The following DIP2B variants were observed in gnomAD, a reference collection of about 807,000 sequenced individuals.
The protein encoded by DIP2B is DIP2 acetate--CoA ligase B (putative), also known as disco-interacting protein 2 homolog B.
DIP2B carries 76 observed loss-of-function variants against 198.0 expected under a neutral mutation model. The ratio of observed to expected loss-of-function variants is 0.38; its 90% CI spans 0.32 to 0.46. DIP2B has a LOEUF of 0.46. Ranked by LOEUF, DIP2B falls within the 20% of genes least tolerant of loss-of-function variation. DIP2B has a pLI of 0.99. For synonymous variants in DIP2B, 701 were observed against 739.1 expected, an observed-to-expected ratio of 0.95 and a Z score of 0.84; for missense variants, 1,559 against 1,978.4, an observed-to-expected ratio of 0.79 and a Z score of 4.02.
At chr12:50,658,328 G>A (rs1938589221) in intron 3 of DIP2B, among the ~76,000 whole-genome samples, 1 of 151,956 alleles carries the variant, frequency 6.6e-6, no homozygotes, top group African/African-American at 2.4e-5. Flanking sequence ...GTAGAGACAG[G>A]GTTTTACCAT....
At chr12:50,729,446 C>G (rs1314208676) in intron 30 of DIP2B, among the ~76,000 whole-genome samples, 1 of 152,210 alleles carries the variant, frequency 6.6e-6, no homozygotes, top group Non-Finnish European at 1.5e-5. Flanking sequence ...TAACCTTCAT[C>G]TCCAGAGGTG....
intron 23 of DIP2B, among the ~76,000 whole-genome samples, chr12:50,717,589 G>A (rs1043881795): frequency 4.0e-5 from 6 of 151,166 alleles, no homozygotes; most frequent in Non-Finnish European, 8.9e-5. Flanking sequence ...GGATGGTCTC[G>A]GTCTCCTGAC....
At chr12:50,673,192 A>AT (rs1938885022) in intron 5 of DIP2B, among the ~76,000 whole-genome samples, 1 of 152,200 alleles carries the variant, frequency 6.6e-6, no homozygotes, top group Non-Finnish European at 1.5e-5. Context: ...ATGTTAGTAT[A>AT]TTTAAAATTT....
chr12:50,586,631 G>A (rs1354751931), intron 1 of DIP2B, among the ~76,000 whole-genome samples: 1 of 152,210 alleles, frequency 6.6e-6, no homozygotes, highest in Non-Finnish European at 1.5e-5. Flanking sequence ...GGAGTGCAGT[G>A]GTGTGATCTC....
rs1433735607 is a variant in DIP2B at position 50,745,795 on chromosome 12, G to A, written c.*956G>A. 6.6e-6 allele frequency: 1 copy of A among 152,360 alleles called. No individual in the cohort carries two copies. The highest frequency in any genetic ancestry group is 1.5e-5 in the Non-Finnish European group (1 of 68,026). The allele number at this position is 152,360 out of a possible 1,614,324, so 9.4% of individuals were successfully genotyped here. A position where few individuals can be genotyped will look rare whatever the true frequency, so the allele number is the denominator to read the frequency against. On this transcript the variant is annotated 3_prime_UTR_variant, in exon 38 of 38. Coordinates refer to ENST00000301180, the MANE Select transcript of DIP2B (RefSeq NM_173602.3). Reference sequence around the variant, plus strand: ...CTTACTCTGGCCCCAGTGTTAAAACGATCTTTCAGATTTAGAGTGACTATG... The same window carrying A: ...CTTACTCTGGCCCCAGTGTTAAAACAATCTTTCAGATTTAGAGTGACTATG...
intron 1 of DIP2B, among the ~76,000 whole-genome samples, chr12:50,522,220 C>T (rs890680469): frequency 2.6e-5 from 4 of 151,436 alleles, no homozygotes; most frequent in Non-Finnish European, 5.9e-5. Flanking sequence ...AGGCTAGTCT[C>T]GAGCTCCTGA....
rs1565889458 is a variant in DIP2B, at chr12:50,745,391, C to CA, written c.*554dup. On this transcript the variant is annotated 3_prime_UTR_variant, in exon 38 of 38. Transcript: ENST00000301180. ...GTAAAACATTTTGACCAGTGTTTTACAACATGTACATAAGAATACACATAA... is the reference window on the plus strand; with the variant it reads ...GTAAAACATTTTGACCAGTGTTTTACAAACATGTACATAAGAATACACATAA... The CA allele has an allele frequency of 6.4e-6, 1 of 155,668 alleles. No homozygotes were observed. The highest frequency in any genetic ancestry group is 1.4e-5 in the Non-Finnish European group (1 of 69,756). The allele number at this position is 155,668 out of a possible 1,614,324, so 9.6% of individuals were successfully genotyped here. A position where few individuals can be genotyped will look rare whatever the true frequency, so the allele number is the denominator to read the frequency against.
chr12:50,668,345 T>C (rs930090113), intron 4 of DIP2B, among the ~76,000 whole-genome samples: 3 of 152,224 alleles, frequency 2.0e-5, no homozygotes, highest in Non-Finnish European at 4.4e-5. Flanking sequence ...TCTTCTCAGA[T>C]GGGTAATTTT....
chr12:50,518,879 T>A (rs906766423), intron 1 of DIP2B, among the ~76,000 whole-genome samples: 6 of 152,182 alleles, frequency 3.9e-5, no homozygotes, highest in African/African-American at 1.4e-4. Flanking sequence ...TAGCTGGGAT[T>A]ACAGGTCCAT....
chr12:50,675,891 T>C (rs1448397039), intron 7 of DIP2B, among the ~76,000 whole-genome samples: 1 of 152,204 alleles, frequency 6.6e-6, no homozygotes, highest in Non-Finnish European at 1.5e-5. Flanking sequence ...TGTTAGATGG[T>C]GAAAAGGTTC....
rs1940200391 is a variant in DIP2B, at chr12:50,739,475, G to A, written c.4243G>A (p.Ala1415Thr). ...CATCTATGATAGCGAGACTCTTCAA[G>A]CTGATCATTTCAACACTCGCCTCAG... ...YTIYDSETLQ[A>T]DHFNTRLSFG... Residue 1415 changes from alanine (A) to threonine (T), a missense_variant, in exon 36 of 38, where the codon GCT becomes ACT. Physicochemically the swap from Ala to Thr is moderately conservative, Grantham distance 58. Transcript: ENST00000301180. 1.2e-6 allele frequency: 2 copies of A among 1,614,188 alleles called. No homozygotes were observed. Among genetic ancestry groups the A allele is most frequent in the African/African-American group, 2.7e-5 (2 of 75,040 alleles).
intron 16 of DIP2B, among the ~76,000 whole-genome samples, chr12:50,696,596 A>G (rs1038020344): frequency 6.6e-6 from 1 of 152,170 alleles, no homozygotes; most frequent in African/African-American, 2.4e-5. Context: ...AGAGCACTAC[A>G]CTGTTTGTCA....
intron 1 of DIP2B, among the ~76,000 whole-genome samples, chr12:50,610,525 G>A (rs1370982069): frequency 6.7e-6 from 1 of 148,244 alleles, no homozygotes; most frequent in African/African-American, 2.5e-5. Flanking sequence ...TTTTTTTGGA[G>A]ACAGAGTCTT....
Position 50,714,554 on chromosome 12 carries a change from A to G in DIP2B, c.2809A>G (p.Thr937Ala). Residue 937 changes from threonine to alanine, a missense_variant, in exon 23 of 38, where the codon ACA becomes GCA. Thr to Ala is a moderately conservative substitution (Grantham distance 58, BLOSUM62 0). Transcript: ENST00000301180. ...TTGCAACATCCTCATGTGCCCCCAT[A>G]CATGTGTGACAAACTTGCCAAAGCC... ...HPCNILMCPH[T>A]CVTNLPKPRQ... 6.2e-7 allele frequency: 1 copy of G among 1,614,138 alleles called. No homozygotes were observed. The highest frequency in any genetic ancestry group is 8.5e-7 in the Non-Finnish European group (1 of 1,179,998).
rs1205734576 is a variant in DIP2B at position 50,664,830 on chromosome 12, G to GTTTTTTTTTTTTTTT, written c.427+4516_427+4517insTTTTTTTTTTTTTTT. On this transcript the variant is annotated intron_variant, in intron 4 of 37. Coordinates refer to ENST00000301180, the MANE Select transcript of DIP2B (RefSeq NM_173602.3). ...CAAGGAGAATTTCCCTCCTTTTTTG[G>GTTTTTTTTTTTTTTT]TTTTTGTTTTTTTTTTTTTTTTTTT... Among the ~76,000 whole-genome samples the GTTTTTTTTTTTTTTT allele has an allele frequency of 9.0e-5, 9 of 99,686 alleles. 3 individuals are homozygous for GTTTTTTTTTTTTTTT. The highest frequency in any genetic ancestry group is 2.9e-4 in the African/African-American group (7 of 23,964). 65.4% of individuals were successfully genotyped at this position (99,686 alleles called of 152,430 possible). A position where few individuals can be genotyped will look rare whatever the true frequency, so the allele number is the denominator to read the frequency against.
At chr12:50,728,859 CT>C (rs1565884269) in intron 30 of DIP2B, among the ~76,000 whole-genome samples, 181 bp downstream of exon 30, 1 of 152,102 alleles carries the variant, frequency 6.6e-6, no homozygotes, top group Non-Finnish European at 1.5e-5. Flanking sequence ...TCTGTATTCC[CT>C]TTGTTATTTT....
intron 2 of DIP2B, among the ~76,000 whole-genome samples, chr12:50,629,200 A>G (rs1937995057): frequency 6.6e-6 from 1 of 151,652 alleles, no homozygotes; most frequent in South Asian, 2.1e-4. Flanking sequence ...TTATTTTCTT[A>G]CCCTTCACTT....
intron 7 of DIP2B, among the ~76,000 whole-genome samples, chr12:50,676,528 T>G (rs1395608025): frequency 6.6e-6 from 1 of 152,224 alleles, no homozygotes; most frequent in East Asian, 1.9e-4. Context: ...CTTTCCAGTG[T>G]TTTTAGCATT....
At chr12:50,689,412 G>T (rs1169077890) in intron 12 of DIP2B, among the ~76,000 whole-genome samples, 2 of 152,122 alleles carry the variant, frequency 1.3e-5, no homozygotes, top group African/African-American at 4.8e-5. Flanking sequence ...CAGTTATTCA[G>T]GTGAGCCCAA....
Sources: gnomAD v4.1 joint callset for allele counts (sites outside exome capture counted in the v4.1 genomes callset) on GRCh38, gnomAD v4.1.1 for gene constraint, MANE v1.5 for transcripts, NCBI Gene and HGNC (gene_info 2026-07-23, HGNC 2026-07-21) for gene names.